SLC27A2: variants seen among roughly 807,000 people sequenced by gnomAD.
The protein encoded by SLC27A2 is long-chain fatty acid transport protein 2.
SLC27A2 carries 54 observed loss-of-function variants against 60.0 expected under a neutral mutation model. The observed-to-expected ratio is 0.90, with a 90% CI of 0.72 to 1.13. The LOEUF (loss-of-function observed/expected upper bound fraction) is 1.13, where lower values mean the gene tolerates loss of function less well. Ranked by LOEUF, SLC27A2 falls within the 50% of genes most tolerant of loss-of-function variation. SLC27A2 has a pLI of 0.00. For missense variants in SLC27A2, 739 were observed against 777.6 expected (o/e 0.95, Z 0.59); for synonymous variants, 297 against 297.6 (o/e 1.00, Z 0.02).
At chr15:50,232,974 C>G (rs994272274) in intron 8 of SLC27A2, among the ~76,000 whole-genome samples, 1 of 152,196 alleles carries the variant, frequency 6.6e-6, no homozygotes, top group Non-Finnish European at 1.5e-5. Flanking sequence ...GGAAGTGGAA[C>G]TGGACTCCCG....
At chr15:50,228,728 T>C (rs1252447974) in intron 7 of SLC27A2, among the ~76,000 whole-genome samples, 2 of 152,180 alleles carry the variant, frequency 1.3e-5, no homozygotes, top group East Asian at 1.9e-4. Context: ...TGTGGCAACA[T>C]TGAAATTCCA....
rs763209439 is a variant in SLC27A2, at chr15:50,197,657, T to A, written c.636T>A (p.Ser212=). 1.2e-6 allele frequency: 2 copies of A among 1,614,126 alleles called. No homozygotes were observed. Among genetic ancestry groups the A allele is most frequent in the South Asian group, 1.1e-5 (1 of 91,082 alleles). The part of the protein sequence containing the change: ...STEPIPESWR[S]EVTFSTPALY... Reference sequence around the variant, plus strand: ...AACCTATCCCAGAGTCATGGAGGTCTGAAGTCACTTTTTCCACTCCTGCCT... The same window carrying A: ...AACCTATCCCAGAGTCATGGAGGTCAGAAGTCACTTTTTCCACTCCTGCCT... Residue 212 remains serine (S), a synonymous_variant, in exon 2 of 10, where the codon TCT becomes TCA. Transcript: ENST00000267842.
rs375271993 is a variant in SLC27A2, at chr15:50,221,415, G to A, written c.973-1550G>A. ...GTGACCAGCATCAGTCCACCTCTCT[G>A]GGTGGGACTCCTCAAAAAGCCGCAT... is the stretch of plus-strand genomic sequence containing the variant. On this transcript the variant is annotated intron_variant, in intron 4 of 9. Coordinates refer to ENST00000267842, the MANE Select transcript of SLC27A2 (RefSeq NM_003645.4). 1.2e-4 allele frequency among the ~76,000 whole-genome samples: 18 copies of A among 152,244 alleles called. No homozygotes were observed. In the East Asian group the frequency reaches 1.9e-3, roughly 16 times the overall value.
chr15:50,206,766 A>G (rs1353780819), intron 4 of SLC27A2, among the ~76,000 whole-genome samples: 1 of 152,200 alleles, frequency 6.6e-6, no homozygotes, highest in Non-Finnish European at 1.5e-5. Flanking sequence ...GACACATCAT[A>G]GGCATCAACA....
At chr15:50,202,090 G>C (rs753588789) in intron 2 of SLC27A2, among the ~76,000 whole-genome samples, 17 of 152,130 alleles carry the variant, frequency 1.1e-4, no homozygotes, top group Non-Finnish European at 2.5e-4. Flanking sequence ...TCATTCCTCT[G>C]TTTCTGTTTC....
chr15:50,191,421 G>A (rs750024087), intron 1 of SLC27A2, among the ~76,000 whole-genome samples: 1 of 152,188 alleles, frequency 6.6e-6, no homozygotes, highest in African/African-American at 2.4e-5. Context: ...GAGTCCATTG[G>A]ACTGGTCAAT....
At chr15:50,202,866 A>C (rs566835732) in intron 3 of SLC27A2, among the ~76,000 whole-genome samples, 1 of 152,244 alleles carries the variant, frequency 6.6e-6, no homozygotes, top group East Asian at 1.9e-4. Context: ...TGTTCAGTAT[A>C]TCAAGAGACA....
At chr15:50,226,469 C>T (rs1445332971) in intron 6 of SLC27A2, among the ~76,000 whole-genome samples, 2 of 152,176 alleles carry the variant, frequency 1.3e-5, no homozygotes, top group Non-Finnish European at 2.9e-5. Flanking sequence ...TGGTGGCTCA[C>T]GCCTGTAATC....
intron 4 of SLC27A2, among the ~76,000 whole-genome samples, chr15:50,220,433 G>A (rs1323497104): frequency 1.3e-5 from 2 of 152,194 alleles, no homozygotes; most frequent in Admixed American, 1.3e-4. Flanking sequence ...ATTTAATGAG[G>A]GAGATAGATA....
chr15:50,206,283 G>T (rs936222646), intron 4 of SLC27A2, among the ~76,000 whole-genome samples: 12 of 152,084 alleles, frequency 7.9e-5, no homozygotes, highest in African/African-American at 2.9e-4. Context: ...TCTTGGCAGG[G>T]AAATGCTAAC....
At chr15:50,189,453 A>AT (rs1206120650) in intron 1 of SLC27A2, among the ~76,000 whole-genome samples, 3 of 152,188 alleles carry the variant, frequency 2.0e-5, no homozygotes, top group African/African-American at 7.2e-5. Flanking sequence ...TGATTAATAT[A>AT]TCCAAGGGCT....
intron 3 of SLC27A2, among the ~76,000 whole-genome samples, chr15:50,204,012 AACACACACACAT>A (rs1379408709): frequency 2.0e-5 from 3 of 152,082 alleles, no homozygotes; most frequent in African/African-American, 7.2e-5. Context: ...TAGCAGCTCA[AACACACACACAT>A]ACACACACAC....
chr15:50,188,982 A>AATAGAGAG (rs777000769), intron 1 of SLC27A2, among the ~76,000 whole-genome samples: 40 of 135,528 alleles, frequency 3.0e-4, no homozygotes, highest in African/African-American at 1.1e-3. Context: ...TAGATAGATA[A>AATAGAGAG]ATAGATAGAT....
chr15:50,197,823 A>G, intron 2 of SLC27A2, 114 bp downstream of exon 2: 1 of 708,036 alleles, frequency 1.4e-6, no homozygotes, highest in Non-Finnish European at 2.4e-6. Context: ...ATACTTCAGG[A>G]GATTTAGTTA....
chr15:50,234,587 CAAAAAAAAA>C (rs767076726), intron 9 of SLC27A2, among the ~76,000 whole-genome samples: 1 of 61,556 alleles, frequency 1.6e-5, no homozygotes, highest in African/African-American at 5.6e-5. Flanking sequence ...ACTCCATCTC[CAAAAAAAAA>C]AAAAAAAAAA....
chr15:50,211,407 G>A (rs1239584392), intron 4 of SLC27A2, among the ~76,000 whole-genome samples: 2 of 152,152 alleles, frequency 1.3e-5, no homozygotes, highest in Non-Finnish European at 2.9e-5. Context: ...CGGCTCACAG[G>A]AGCCACATCC....
intron 4 of SLC27A2, among the ~76,000 whole-genome samples, chr15:50,221,298 G>A (rs1331325041): frequency 6.6e-6 from 1 of 152,054 alleles, no homozygotes; most frequent in East Asian, 1.9e-4. Context: ...GACACCCTGG[G>A]TAAGAGCCAC....
chr15:50,199,479 AAAAAAAAAAAAAAGAAAG>A (rs896304804), intron 2 of SLC27A2, among the ~76,000 whole-genome samples: 7 of 119,112 alleles, frequency 5.9e-5, no homozygotes, highest in African/African-American at 2.1e-4. Flanking sequence ...CTCTGTCTTA[AAAAAAAAAAAAAAGAAAG>A]AAAAAAAAAG....
chr15:50,236,250 T>A lies in SLC27A2; in HGVS notation c.*154T>A, dbSNP rs905126723. 5.8e-6 allele frequency: 3 copies of A among 516,186 alleles called. No individual in the cohort carries two copies. The highest frequency in any genetic ancestry group is 2.0e-5 in the African/African-American group (1 of 51,062). 32.0% of individuals were successfully genotyped at this position (516,186 alleles called of 1,614,324 possible). On this transcript the variant is annotated 3_prime_UTR_variant, in exon 10 of 10. Coordinates refer to ENST00000267842, the MANE Select transcript of SLC27A2 (RefSeq NM_003645.4). ...GAGACTTTTTTAAATAACAGTTGAG[T>A]CTTTGCAAGTAAAAAGATTTAGAGA...
Sources: gnomAD v4.1 joint callset for allele counts (sites outside exome capture counted in the v4.1 genomes callset) on GRCh38, gnomAD v4.1.1 for gene constraint, MANE v1.5 for transcripts, NCBI Gene and HGNC (gene_info 2026-07-23, HGNC 2026-07-21) for gene names.